Variants in CDH13 observed in about 807,000 individuals in gnomAD.
CDH13 encodes cadherin-13.
A neutral mutation model predicts 63.8 loss-of-function variants in CDH13; 24 were observed. The observed-to-expected ratio is 0.38, with a 90% CI of 0.27 to 0.53. CDH13 has a LOEUF of 0.53. Ranked by LOEUF, CDH13 falls within the 20% of genes least tolerant of loss-of-function variation. CDH13 has a pLI of 0.85. For missense variants in CDH13, 1,049 were observed against 903.1 expected (o/e 1.16, Z -2.07); for synonymous variants, 503 against 355.3 (o/e 1.42, Z -4.67).
chr16:83,700,594 T>C (rs1198902663), intron 10 of CDH13, among the ~76,000 whole-genome samples: 1 of 152,208 alleles, frequency 6.6e-6, no homozygotes, highest in Non-Finnish European at 1.5e-5. Context: ...CAGGTGTACA[T>C]ATATTTCTTT....
In CDH13 at chr16:83,282,078, C is replaced by G. The variant is rs562774975; in HGVS notation, c.637-62784C>G. ...GTGATATCTCAGGGAATAGGGAGTC[C>G]CAAGGAGAGGGAGAGAGATGGGGGA... On this transcript the variant is annotated intron_variant, in intron 5 of 13. Coordinates refer to ENST00000567109, the MANE Select transcript of CDH13 (RefSeq NM_001257.5). Among the ~76,000 whole-genome samples the G allele has an allele frequency of 4.6e-5, 7 of 151,946 alleles. No homozygotes were observed. The East Asian group carries it at 1.4e-3, about 29-fold the overall frequency.
chr16:83,431,504 C>G (rs147130661), intron 6 of CDH13, among the ~76,000 whole-genome samples: 2 of 152,136 alleles, frequency 1.3e-5, no homozygotes, highest in African/African-American at 4.8e-5. Context: ...CTATAACTAA[C>G]TACCTGAGGA....
intron 7 of CDH13, among the ~76,000 whole-genome samples, chr16:83,500,827 G>T (rs983249968): frequency 6.6e-6 from 1 of 151,542 alleles, no homozygotes; most frequent in Non-Finnish European, 1.5e-5. Flanking sequence ...CGATCCACCC[G>T]CCTCGGCCTC....
At chr16:82,979,928 C>G (rs1359049511) in intron 2 of CDH13, among the ~76,000 whole-genome samples, 1 of 152,154 alleles carries the variant, frequency 6.6e-6, no homozygotes, top group African/African-American at 2.4e-5. Context: ...GGGCCACTTC[C>G]TTGGGTCATG....
At chr16:82,682,989 C>T (rs947830522) in intron 1 of CDH13, among the ~76,000 whole-genome samples, 4 of 152,192 alleles carry the variant, frequency 2.6e-5, no homozygotes, top group African/African-American at 9.6e-5. Flanking sequence ...CTGAATTAGA[C>T]CTCGGGTTCA....
intron 2 of CDH13, among the ~76,000 whole-genome samples, chr16:82,900,748 A>G (rs74029991): frequency 0.12 from 18,570 of 152,232 alleles, 1,342 homozygotes; most frequent in African/African-American, 0.19. Flanking sequence ...AAGGCAGGTG[A>G]TATTTCTGCC....
At chr16:83,474,227 C>T (rs1287206051) in intron 6 of CDH13, among the ~76,000 whole-genome samples, 1 of 152,198 alleles carries the variant, frequency 6.6e-6, no homozygotes, top group Admixed American at 6.5e-5. Flanking sequence ...GTCTCCTCCT[C>T]AGTGCCCCCT....
chr16:83,019,683 A>G (rs1915157565), intron 2 of CDH13, among the ~76,000 whole-genome samples: 1 of 151,358 alleles, frequency 6.6e-6, no homozygotes, highest in East Asian at 1.9e-4. Context: ...TTTTGTAGAT[A>G]TGGAGTCTTG....
In CDH13 at chr16:83,047,703, T is replaced by G. The variant is rs1474471515; in HGVS notation, c.366+15485T>G. Among the ~76,000 whole-genome samples the G allele has an allele frequency of 1.3e-5, 2 of 152,244 alleles. No individual in the cohort carries two copies. Among genetic ancestry groups the G allele is most frequent in the Admixed American group, 6.5e-5 (1 of 15,282 alleles). ...ATCTGGCTGTGAATAAATAATTTCT[T>G]AATGACTTAGCAAATGCTGGAGACA... On this transcript the variant is annotated intron_variant, in intron 3 of 13. Transcript: ENST00000567109. This position sits in a 1 kb window ranked among gnomAD's most constrained non-coding sequence, Gnocchi z 4.9.
intron 3 of CDH13, among the ~76,000 whole-genome samples, chr16:83,068,128 C>T (rs1269005137): frequency 6.6e-6 from 1 of 152,172 alleles, no homozygotes; most frequent in African/African-American, 2.4e-5. Context: ...AGAGCATTAC[C>T]ACAGTCGGAT....
At chr16:82,711,816 G>A (rs955352604) in intron 1 of CDH13, among the ~76,000 whole-genome samples, 3 of 152,226 alleles carry the variant, frequency 2.0e-5, no homozygotes, top group African/African-American at 7.2e-5. Flanking sequence ...TTCCCACCAG[G>A]TGTCAGTGCC....
intron 1 of CDH13, among the ~76,000 whole-genome samples, chr16:82,706,295 T>C (rs935356848): frequency 6.6e-6 from 1 of 152,110 alleles, no homozygotes; most frequent in Non-Finnish European, 1.5e-5. Flanking sequence ...ACACAGGTGA[T>C]AAATAAACAG....
At chr16:83,219,218 G>T (rs1328183306) in intron 5 of CDH13, among the ~76,000 whole-genome samples, 1 of 152,164 alleles carries the variant, frequency 6.6e-6, no homozygotes. Context: ...CGCTTCTGAG[G>T]ATTATAAAAA....
At chr16:83,704,764 A>G (rs1290163992) in intron 10 of CDH13, among the ~76,000 whole-genome samples, 2 of 152,240 alleles carry the variant, frequency 1.3e-5, no homozygotes, top group Non-Finnish European at 2.9e-5. Flanking sequence ...ACAATAGAAA[A>G]AAAATTTCCA....
chr16:83,384,240 G>A (rs76099228), intron 6 of CDH13, among the ~76,000 whole-genome samples: 11,071 of 152,002 alleles, frequency 0.073, 1,044 homozygotes, highest in African/African-American at 0.22. Context: ...TCTACTAATT[G>A]ATTTGATGAA....
chr16:83,200,806 A>G (rs1321985452), intron 4 of CDH13, among the ~76,000 whole-genome samples: 2 of 152,212 alleles, frequency 1.3e-5, no homozygotes, highest in Non-Finnish European at 1.5e-5. Flanking sequence ...AACAACAACA[A>G]CAACATATTT....
At chr16:83,081,000 G>T (rs781484851) in intron 3 of CDH13, among the ~76,000 whole-genome samples, 11 of 143,418 alleles carry the variant, frequency 7.7e-5, no homozygotes, top group South Asian at 4.7e-4. Flanking sequence ...CCCTGCCTCA[G>T]CCTCCCGAGT....
chr16:83,137,043 G>T (rs1179081199), intron 4 of CDH13, among the ~76,000 whole-genome samples: 1 of 152,204 alleles, frequency 6.6e-6, no homozygotes, highest in Admixed American at 6.5e-5. Flanking sequence ...GGGACTCAGG[G>T]ACCGTGACAC....
chr16:83,512,541 G>A (rs535326976), intron 7 of CDH13, among the ~76,000 whole-genome samples: 51 of 150,784 alleles, frequency 3.4e-4, no homozygotes, highest in African/African-American at 1.0e-3. Context: ...GGTGGCATGC[G>A]CCTGTAGTCC....
Sources: allele counts gnomAD v4.1 joint callset (sites outside exome capture counted in the v4.1 genomes callset), GRCh38; gene constraint gnomAD v4.1.1; non-coding constraint Gnocchi (gnomAD v3.1); transcripts MANE v1.5; gene names NCBI Gene and HGNC (gene_info 2026-07-23, HGNC 2026-07-21).